THAP3: variants seen among roughly 807,000 people sequenced by gnomAD.
The protein encoded by THAP3 is THAP domain containing 3.
THAP3 carries 12 observed loss-of-function variants against 17.7 expected under a neutral mutation model. That is an observed-to-expected ratio of 0.68 (90% CI 0.43 to 1.10). The LOEUF (loss-of-function observed/expected upper bound fraction) is 1.10. Among genes scored for constraint, THAP3 ranks in the 50% least tolerant of loss-of-function variants. THAP3 has a pLI of 0.00. For synonymous variants in THAP3, 133 were observed against 126.9 expected (o/e 1.05, Z -0.32); for missense variants, 289 against 318.0 (o/e 0.91, Z 0.69).
At chr1:6,634,425 C>T (rs954909705), downstream of THAP3, 21 of 1,253,784 alleles carry the variant, frequency 1.7e-5, no homozygotes, top group South Asian at 2.8e-5. Flanking sequence ...GGTTCTTAGC[C>T]GTTACTCAGA....
chr1:6,628,436 G>A (rs1436186325), intron 2 of THAP3, 63 bp from the exon 3 acceptor site: 10 of 1,430,506 alleles, frequency 7.0e-6, no homozygotes, highest in East Asian at 2.4e-5. Flanking sequence ...TGAAAATTCC[G>A]AATGACTCTG....
At chr1:6,631,547 T>C (rs1641614810) in intron 4 of THAP3, among the ~76,000 whole-genome samples, 1 of 152,106 alleles carries the variant, frequency 6.6e-6, no homozygotes, top group Admixed American at 6.5e-5. Flanking sequence ...GGCAGGCGGA[T>C]CACCTGAGGT....
downstream of THAP3, among the ~76,000 whole-genome samples, chr1:6,633,858 C>T (rs551534385): frequency 1.3e-4 from 19 of 151,286 alleles, no homozygotes; most frequent in South Asian, 2.7e-3. Flanking sequence ...TGCAGTGAGC[C>T]GAGATCACAC....
At chr1:6,634,826 G>A (rs1188474465), downstream of THAP3, 4 of 1,254,846 alleles carry the variant, frequency 3.2e-6, no homozygotes, top group East Asian at 5.6e-5. Flanking sequence ...CACGCCTTTG[G>A]GTTGGGTGTG....
rs573750897 is a variant in THAP3, at chr1:6,633,559, T to G, written c.*482T>G. ...TGGGCAGTGTAATAAAGTGTCTTTC[T>G]ATACGGTGTCGCTCCCATCATCATT... is the stretch of plus-strand genomic sequence containing the variant. On this transcript the variant is annotated 3_prime_UTR_variant, in exon 6 of 6. Transcript: ENST00000054650. The G allele has an allele frequency of 9.3e-7, 1 of 1,076,856 alleles. No individual in the cohort carries two copies. Among genetic ancestry groups the G allele is most frequent in the African/African-American group, 1.7e-5 (1 of 58,700 alleles). 66.7% of individuals were successfully genotyped at this position (1,076,856 alleles called of 1,614,324 possible).
In THAP3 at chr1:6,625,210, T is replaced by C; in HGVS notation, c.-9T>C. ...CATCTTTGTTGGGGGCAGCCAGGCC[T>C]GGCTCGAGATGCCGAAGTCGTGCGC... On this transcript the variant is annotated 5_prime_UTR_variant, in exon 2 of 6. Coordinates refer to ENST00000054650, the MANE Select transcript of THAP3 (RefSeq NM_001195753.2). The C allele has an allele frequency of 6.5e-7, 1 of 1,537,832 alleles. No individual in the cohort carries two copies.
intron 4 of THAP3, 107 bp from the exon 5 acceptor site, chr1:6,632,284 G>A: frequency 6.7e-7 from 1 of 1,490,898 alleles, no homozygotes; most frequent in Middle Eastern, 2.4e-4. Flanking sequence ...CACAGACCCT[G>A]GAGCTGGTCC....
In THAP3 at chr1:6,628,698, G is replaced by A; in HGVS notation, c.267+7G>A. On this transcript the variant is annotated splice_region_variant and intron_variant, in intron 3 of 5. Coordinates refer to ENST00000054650, the MANE Select transcript of THAP3 (RefSeq NM_001195753.2). ...CTTTCAGGACCCCACACAGGTAGGA[G>A]GGCACTGCACCTTCCGTCTGGTCAC... The A allele has an allele frequency of 6.2e-7, 1 of 1,610,776 alleles. No individual in the cohort carries two copies. Among genetic ancestry groups the A allele is most frequent in the Non-Finnish European group, 8.5e-7 (1 of 1,178,762 alleles).
chr1:6,630,293 G>T lies in THAP3; in HGVS notation c.273G>T (p.Val91=). The change falls in exon 4 of 6, where the codon GTG becomes GTT. Residue 91 remains valine (V), a synonymous_variant. Transcript: ENST00000054650. ...VFAFQDPTQQ[V]RENTDPASER... is the part of the protein sequence containing the mutation. ...TCTGTGTGTGTCTCTTGTAGCAGGT[G>T]AGGGAGAACACAGACCCTGCCAGTG... 6.2e-7 allele frequency: 1 copy of T among 1,614,178 alleles called. No homozygotes were observed. Among genetic ancestry groups the T allele is most frequent in the African/African-American group, 1.3e-5 (1 of 75,060 alleles).
intron 4 of THAP3, among the ~76,000 whole-genome samples, chr1:6,630,872 C>T (rs1256368142): frequency 2.0e-5 from 3 of 149,924 alleles, no homozygotes; most frequent in Admixed American, 2.0e-4. Context: ...GCGCCTGGGC[C>T]CCCACTTTTT....
Position 6,633,233 on chromosome 1 carries a change from C to T in THAP3, c.*156C>T, listed in dbSNP as rs922327735. The T allele has an allele frequency of 9.0e-6, 13 of 1,444,016 alleles. No homozygotes were observed. The highest frequency in any genetic ancestry group is 7.4e-5 in the East Asian group (3 of 40,272). The allele number at this position is 1,444,016 out of a possible 1,614,324, so 89.5% of individuals were successfully genotyped here. A position where few individuals can be genotyped will look rare whatever the true frequency, so the allele number is the denominator to read the frequency against. Reference sequence around the variant, plus strand: ...TCGAGACAGTAGCCAAGCTCCCCGGCGAGAGCCCCAATGCCGTCTGGGGGA... The same window carrying T: ...TCGAGACAGTAGCCAAGCTCCCCGGTGAGAGCCCCAATGCCGTCTGGGGGA... On this transcript the variant is annotated 3_prime_UTR_variant, in exon 6 of 6. Transcript: ENST00000054650.
Position 6,624,944 on chromosome 1 carries a change from T to C in THAP3, c.-80T>C. On this transcript the variant is annotated 5_prime_UTR_variant, in exon 1 of 6. Transcript: ENST00000054650. ...CAAGGAGGTGAAAGGCGACCAGCAT[T>C]GGCGAATGGGGTAAGACTTGCACAG... 2 of 491,758 alleles carry C rather than the reference T, an allele frequency of 4.1e-6. No individual in the cohort carries two copies. Among genetic ancestry groups the C allele is most frequent in the Non-Finnish European group, 3.6e-6 (1 of 276,556 alleles). 30.5% of individuals were successfully genotyped at this position (491,758 alleles called of 1,614,324 possible). A position where few individuals can be genotyped will look rare whatever the true frequency, so the allele number is the denominator to read the frequency against.
chr1:6,625,131 G>A lies in THAP3; in HGVS notation c.-69-19G>A. 7.1e-7 allele frequency: 1 copy of A among 1,405,016 alleles called. No individual in the cohort carries two copies. The highest frequency in any genetic ancestry group is 9.6e-7 in the Non-Finnish European group (1 of 1,044,754). 87.0% of individuals were successfully genotyped at this position (1,405,016 alleles called of 1,614,324 possible). A position where few individuals can be genotyped will look rare whatever the true frequency, so the allele number is the denominator to read the frequency against. ...CCAGGCCCGTCACCACCTCCCAGCGGCCCCGCCCCTCCCCGCAGGTCCCTC... is the reference window on the plus strand; with the variant it reads ...CCAGGCCCGTCACCACCTCCCAGCGACCCCGCCCCTCCCCGCAGGTCCCTC... On this transcript the variant is annotated intron_variant, in intron 1 of 5. Transcript: ENST00000054650.
At chr1:6,630,752 A>C (rs1376463770) in intron 4 of THAP3, among the ~76,000 whole-genome samples, 1 of 152,048 alleles carries the variant, frequency 6.6e-6, no homozygotes, top group Admixed American at 6.6e-5. Context: ...TGTGTTTTGA[A>C]ATAGAGACGG....
At chr1:6,633,717 T>C, downstream of THAP3, 1 of 347,408 alleles carries the variant, frequency 2.9e-6, no homozygotes, top group Non-Finnish European at 4.0e-6. Flanking sequence ...AAGACCAGCC[T>C]GGCCAACATG....
chr1:6,632,219 A>C, intron 4 of THAP3, 172 bp from the exon 5 acceptor site: 1 of 801,558 alleles, frequency 1.2e-6, no homozygotes, highest in Admixed American at 2.8e-5. Context: ...GTCTCAAAAA[A>C]AAAAAAAAGT....
chr1:6,625,267 C>A lies in THAP3; in HGVS notation c.49C>A (p.Arg17Ser), dbSNP rs746647553. 2.6e-6 allele frequency: 4 copies of A among 1,545,096 alleles called. No individual in the cohort carries two copies. In the South Asian group the frequency reaches 4.8e-5, roughly 19 times the overall value. The change falls in exon 2 of 6, where the codon CGC (arginine) becomes AGC (serine). Residue 17 changes from arginine (R) to serine (S), a missense_variant. Coordinates refer to ENST00000054650, the MANE Select transcript of THAP3 (RefSeq NM_001195753.2). Reference sequence around the variant, plus strand: ...GCAGTGCTGCAACCGCTACAGCAGCCGCAGGAAGCAGCTCACCTTCCACCG... The same window carrying A: ...GCAGTGCTGCAACCGCTACAGCAGCAGCAGGAAGCAGCTCACCTTCCACCG... ...ARQCCNRYSS[R>S]RKQLTFHRFP... is the part of the protein sequence containing the mutation.
Position 6,625,224 on chromosome 1 carries a change from G to C in THAP3, c.6G>C (p.Pro2=). Residue 2 remains proline (P), a synonymous_variant, in exon 2 of 6, where the codon CCG becomes CCC. Transcript: ENST00000054650. ...GCAGCCAGGCCTGGCTCGAGATGCCGAAGTCGTGCGCGGCCCGGCAGTGCT... is the reference window on the plus strand; with the variant it reads ...GCAGCCAGGCCTGGCTCGAGATGCCCAAGTCGTGCGCGGCCCGGCAGTGCT... The part of the protein sequence containing the change: M[P]KSCAARQCCN... 7.1e-6 allele frequency: 11 copies of C among 1,542,852 alleles called. No individual in the cohort carries two copies. The highest frequency in any genetic ancestry group is 8.7e-6 in the Non-Finnish European group (10 of 1,145,736).
intron 4 of THAP3, 27 bp from the exon 5 acceptor site, chr1:6,632,364 G>A: frequency 6.2e-7 from 1 of 1,612,696 alleles, no homozygotes; most frequent in East Asian, 2.2e-5. Flanking sequence ...CAGGGCTGTA[G>A]TGCAGACTTC....
Sources: gnomAD v4.1 joint callset for allele counts (sites outside exome capture counted in the v4.1 genomes callset) on GRCh38, gnomAD v4.1.1 for gene constraint, MANE v1.5 for transcripts, NCBI Gene and HGNC (gene_info 2026-07-23, HGNC 2026-07-21) for gene names.